Variants in ZFHX3 observed in about 807,000 individuals in gnomAD.
ZFHX3 encodes the protein zinc finger homeobox 3.
Under a neutral mutation model 279.1 loss-of-function variants are expected in ZFHX3, and 42 were observed. The observed-to-expected ratio is 0.15, with a 90% CI of 0.12 to 0.19. The LOEUF (loss-of-function observed/expected upper bound fraction) is 0.19, where lower values mean the gene tolerates loss of function less well. ZFHX3 is among the 10% of genes least tolerant of loss of function. ZFHX3 has a pLI of 1.00. For synonymous variants in ZFHX3, 2,293 were observed against 1,957.8 expected, an observed-to-expected ratio of 1.17 and a Z score of -4.52; for missense variants, 4,981 against 4,754.0, an observed-to-expected ratio of 1.05 and a Z score of -1.40.
chr16:73,604,016 TG>T (rs930523121), intron 2 of ZFHX3, among the ~76,000 whole-genome samples: 2 of 151,890 alleles, frequency 1.3e-5, no homozygotes, highest in African/African-American at 4.8e-5. Flanking sequence ...TGACCTCAGG[TG>T]ATTTGCCACC....
intron 1 of ZFHX3, chr16:73,891,646 C>T (rs911011406): frequency 1.2e-4 from 19 of 152,064 alleles, no homozygotes; most frequent in Admixed American, 9.2e-4. Flanking sequence ...CCACATCTAC[C>T]TTACCTCAGC....
Position 73,683,187 on chromosome 16 carries a change from T to A in ZFHX3, c.-1607-2947A>T, listed in dbSNP as rs146796696. Among the ~76,000 whole-genome samples the A allele has an allele frequency of 5.8e-4, 88 of 152,260 alleles. 2 individuals carry two copies. In the East Asian group the frequency reaches 0.017, roughly 29 times the overall value. On this transcript the variant is annotated intron_variant, in intron 1 of 17. Transcript: ENST00000641206. ...AGTTCTATTTAAAAACCATCAGCGA[T>A]GTATATAATGGGTGAATGTACAACT...
chr16:73,156,797 T>A (rs1424375288), intron 5 of ZFHX3, among the ~76,000 whole-genome samples: 1 of 152,114 alleles, frequency 6.6e-6, no homozygotes, highest in Non-Finnish European at 1.5e-5. Context: ...CACTGCAACC[T>A]TCGCTTCCTG....
intron 1 of ZFHX3, among the ~76,000 whole-genome samples, chr16:73,038,779 T>G (rs941122661): frequency 6.3e-5 from 7 of 111,074 alleles, no homozygotes; most frequent in African/African-American, 2.8e-4. Context: ...GACTCTTCCT[T>G]TTTATTACTA....
intron 7 of ZFHX3, among the ~76,000 whole-genome samples, chr16:73,130,272 G>T (rs887992753): frequency 6.6e-6 from 1 of 152,046 alleles, no homozygotes; most frequent in Admixed American, 6.6e-5. Context: ...AAAACATCAG[G>T]GAAAATACCA....
chr16:73,875,849 A>G lies in ZFHX3; in HGVS notation c.-1608+15802T>C, dbSNP rs147827917. On this transcript the variant is annotated intron_variant, in intron 1 of 17. Coordinates refer to the ZFHX3 transcript ENST00000641206. Reference sequence around the variant, plus strand: ...TCATCAATGACAAAACCATGTTATCAATCCACCTACACCGAACATTAAATA... The same window carrying G: ...TCATCAATGACAAAACCATGTTATCGATCCACCTACACCGAACATTAAATA... Among the ~76,000 whole-genome samples the G allele has an allele frequency of 2.0e-3, 311 of 152,348 alleles. 3 individuals are homozygous for G. Among genetic ancestry groups the G allele is most frequent in the African/African-American group, 7.3e-3 (305 of 41,580 alleles).
intron 3 of ZFHX3, among the ~76,000 whole-genome samples, chr16:72,906,518 G>A (rs1214500002): frequency 5.3e-5 from 8 of 152,218 alleles, no homozygotes; most frequent in Admixed American, 3.3e-4. Flanking sequence ...AAAGCTGGCC[G>A]GGCATGGTGG....
Position 73,777,627 on chromosome 16 carries a change from G to A in ZFHX3, c.-1607-97387C>T, listed in dbSNP as rs184580397. ...ACTGTCCCCAAATCTTTTTTTCTCC[G>A]TGCATCTTTCCAACTGTATCAATGA... On this transcript the variant is annotated intron_variant, in intron 1 of 17. Coordinates refer to the ZFHX3 transcript ENST00000641206. Among the ~76,000 whole-genome samples the A allele has an allele frequency of 3.6e-4, 53 of 146,696 alleles. No homozygotes were observed. The East Asian group carries it at 7.6e-3, about 21-fold the overall frequency.
At chr16:72,981,148 C>T (rs914058194) in intron 1 of ZFHX3, among the ~76,000 whole-genome samples, 1 of 152,154 alleles carries the variant, frequency 6.6e-6, no homozygotes, top group Non-Finnish European at 1.5e-5. Flanking sequence ...TCTAAAGCTC[C>T]TTTCAAACAC....
intron 1 of ZFHX3, among the ~76,000 whole-genome samples, chr16:73,729,935 C>T (rs1282170470): frequency 6.6e-6 from 1 of 152,142 alleles, no homozygotes; most frequent in East Asian, 1.9e-4. Flanking sequence ...GCTAACTAGA[C>T]TAAATAATAT....
At chr16:73,384,000 A>ATTT (rs1294933684) in intron 3 of ZFHX3, among the ~76,000 whole-genome samples, 20 of 152,222 alleles carry the variant, frequency 1.3e-4, no homozygotes, top group African/African-American at 4.8e-4. Context: ...CCACGAACAC[A>ATTT]CTTCAAAGAA....
intron 8 of ZFHX3, among the ~76,000 whole-genome samples, chr16:73,092,110 A>T (rs1389235665): frequency 3.3e-5 from 5 of 152,214 alleles, no homozygotes; most frequent in African/African-American, 1.2e-4. Flanking sequence ...ACTAATGCCC[A>T]GCTAAAAAGG....
Position 73,217,906 on chromosome 16 carries a change from CTT to C in ZFHX3, c.-1104+39139_-1104+39140del, listed in dbSNP as rs1008906980. On this transcript the variant is annotated intron_variant, in intron 5 of 17. Transcript: ENST00000641206. The stretch of plus-strand genomic sequence containing the variant: ...TAACCTAAAAAAAAAAAATTAAACT[CTT>C]TTAACCTGCAGACACCAGGATTGAA... 4.6e-5 allele frequency among the ~76,000 whole-genome samples: 7 copies of C among 152,086 alleles called. No individual in the cohort carries two copies. The East Asian group carries it at 5.8e-4, about 13-fold the overall frequency.
intron 4 of ZFHX3, among the ~76,000 whole-genome samples, chr16:72,847,708 A>G (rs1414961317): frequency 6.6e-6 from 1 of 152,072 alleles, no homozygotes; most frequent in Admixed American, 6.5e-5. Flanking sequence ...GGACACCCCA[A>G]AAGGCAAGGC....
chr16:72,924,769 T>C (rs1404547131), intron 3 of ZFHX3, among the ~76,000 whole-genome samples: 3 of 152,246 alleles, frequency 2.0e-5, no homozygotes, highest in Non-Finnish European at 4.4e-5. Flanking sequence ...AATTAGTTAA[T>C]TGTCAGAAAC....
intron 1 of ZFHX3, among the ~76,000 whole-genome samples, chr16:73,742,969 A>G (rs453616): frequency 6.6e-6 from 1 of 152,170 alleles, no homozygotes; most frequent in East Asian, 1.9e-4. Flanking sequence ...TTAAACTACA[A>G]TAATGTAGGA....
intron 2 of ZFHX3, among the ~76,000 whole-genome samples, chr16:73,636,315 T>C (rs1471325585): frequency 6.6e-6 from 1 of 152,216 alleles, no homozygotes; most frequent in Non-Finnish European, 1.5e-5. Flanking sequence ...AATATAACTG[T>C]AATGATGAAA....
At chr16:73,439,669 G>C (rs1283828836) in intron 3 of ZFHX3, among the ~76,000 whole-genome samples, 2 of 152,076 alleles carry the variant, frequency 1.3e-5, no homozygotes, top group Non-Finnish European at 2.9e-5. Context: ...AATGGAGGCT[G>C]TTAGTCCACG....
intron 5 of ZFHX3, among the ~76,000 whole-genome samples, chr16:73,198,930 C>G (rs1968210550): frequency 6.6e-6 from 1 of 152,168 alleles, no homozygotes; most frequent in African/African-American, 2.4e-5. Context: ...ACATCAAAAA[C>G]AATGACATTG....
Sources: allele counts gnomAD v4.1 joint callset (sites outside exome capture counted in the v4.1 genomes callset), GRCh38; gene constraint gnomAD v4.1.1; transcripts MANE v1.5; gene names NCBI Gene and HGNC (gene_info 2026-07-23, HGNC 2026-07-21).